RADIL: variants seen among roughly 807,000 people sequenced by gnomAD.
RADIL encodes the protein ras-associating and dilute domain-containing protein.
RADIL carries 99 observed loss-of-function variants against 97.6 expected under a neutral mutation model. The observed-to-expected ratio is 1.01, with a 90% confidence interval of 0.86 to 1.20. The LOEUF is 1.20. Ranked by LOEUF, RADIL falls within the 50% of genes most tolerant of loss-of-function variation. RADIL has a pLI of 0.00. For synonymous variants in RADIL, 803 were observed against 691.8 expected, an observed-to-expected ratio of 1.16 and a Z score of -2.52; for missense variants, 1,765 against 1,498.9, an observed-to-expected ratio of 1.18 and a Z score of -2.93.
chr7:4,847,469 G>C (rs1312953775), intron 2 of RADIL, among the ~76,000 whole-genome samples: 1 of 152,104 alleles, frequency 6.6e-6, no homozygotes, highest in East Asian at 1.9e-4. Context: ...ATTTACCTGT[G>C]ACTCATAAGT....
chr7:4,861,079 G>A (rs1380918862), intron 2 of RADIL: 3 of 1,614,192 alleles, frequency 1.9e-6, no homozygotes, highest in Non-Finnish European at 2.5e-6. Flanking sequence ...CACCTCCGAG[G>A]AAACCTAATA....
chr7:4,861,871 C>CACCGCGACCTTCG, intron 2 of RADIL: 3 of 1,215,116 alleles, frequency 2.5e-6, no homozygotes, highest in Non-Finnish European at 3.3e-6. Context: ...CGGCCGCCGC[C>CACCGCGACCTTCG]CGGGTCATGA....
Position 4,813,850 on chromosome 7 carries a change from C to T in RADIL, c.2139+1428G>A, listed in dbSNP as rs1211066607. ...ATCAACTGTTCTTCTGTTTTAGCCC[C>T]ATCTTGACATCGGTGTCCAGAGGTA... On this transcript the variant is annotated intron_variant, in intron 9 of 14. Transcript: ENST00000399583. The surrounding 1 kb of genome is among the most constrained non-coding windows in gnomAD (Gnocchi z 5.0). 6.6e-6 allele frequency among the ~76,000 whole-genome samples: 1 copy of T among 152,222 alleles called. No homozygotes were observed. Among genetic ancestry groups the T allele is most frequent in the African/African-American group, 2.4e-5 (1 of 41,454 alleles).
intron 9 of RADIL, among the ~76,000 whole-genome samples, chr7:4,810,089 G>C (rs1447637668): frequency 1.3e-5 from 2 of 152,148 alleles, no homozygotes; most frequent in Non-Finnish European, 2.9e-5. Context: ...CTGACCTCAG[G>C]TGATCCACCC....
chr7:4,800,840 C>T (rs1271084190), intron 12 of RADIL, among the ~76,000 whole-genome samples: 1 of 152,182 alleles, frequency 6.6e-6, no homozygotes, highest in African/African-American at 2.4e-5. Flanking sequence ...AGCAAGTGGC[C>T]TGCCTGGGAC....
At chr7:4,875,725 C>T (rs949844474) in intron 2 of RADIL, among the ~76,000 whole-genome samples, 61 of 152,308 alleles carry the variant, frequency 4.0e-4, no homozygotes, top group African/African-American at 1.4e-3. Flanking sequence ...TGTTCCCGTG[C>T]AGAAAACATC....
rs1784149067 is a variant in RADIL, at chr7:4,867,163, A to T, written c.535+10442T>A. Among the ~76,000 whole-genome samples the T allele has an allele frequency of 6.6e-6, 1 of 152,160 alleles. No homozygotes were observed. The highest frequency in any genetic ancestry group is 1.5e-5 in the Non-Finnish European group (1 of 68,024). ...AGGTATTCTGCTGTGGCAACAAGAA[A>T]TGGACTAAAGCAGAGCCTAAAGGTG... On this transcript the variant is annotated intron_variant, in intron 2 of 14. Coordinates refer to ENST00000399583, the MANE Select transcript of RADIL (RefSeq NM_018059.5). The surrounding 1 kb of genome is among the most constrained non-coding windows in gnomAD (Gnocchi z 4.1).
At chr7:4,841,323 A>G (rs13243520) in intron 2 of RADIL, among the ~76,000 whole-genome samples, 78,033 of 152,082 alleles carry the variant, frequency 0.51, 22,150 homozygotes, top group African/African-American at 0.77. Flanking sequence ...GGATGCCCAG[A>G]AATCTGTATT....
In RADIL at chr7:4,883,556, C is replaced by T. The variant is rs139048037; in HGVS notation, c.-65+40G>A. 1 of 152,372 alleles carries T rather than the reference C, an allele frequency of 6.6e-6. No homozygotes were observed. The highest frequency in any genetic ancestry group is 2.4e-5 in the African/African-American group (1 of 41,426). 9.4% of individuals were successfully genotyped at this position (152,372 alleles called of 1,614,324 possible). On this transcript the variant is annotated intron_variant, in intron 1 of 14. Transcript: ENST00000399583. The surrounding 1 kb of genome is among the most constrained non-coding windows in gnomAD (Gnocchi z 7.1). ...CCGAGCAGCGCCCCTTACGAGCCAC[C>T]CCCGGTTCCGCAGTCACTCCTCGCG...
At chr7:4,851,231 A>C (rs1368687154) in intron 2 of RADIL, among the ~76,000 whole-genome samples, 1 of 151,976 alleles carries the variant, frequency 6.6e-6, no homozygotes, top group East Asian at 1.9e-4. Context: ...AAGAAAAGAA[A>C]AGTTCGGATT....
At chr7:4,871,283 C>T (rs1784247648) in intron 2 of RADIL, among the ~76,000 whole-genome samples, 1 of 152,224 alleles carries the variant, frequency 6.6e-6, no homozygotes, top group Non-Finnish European at 1.5e-5. Flanking sequence ...ATTTTCAAGT[C>T]AGAGTCATAG....
intron 10 of RADIL, chr7:4,804,105 G>A: frequency 2.8e-6 from 1 of 352,292 alleles, no homozygotes; most frequent in South Asian, 2.5e-5. Context: ...CCCCAGCCCG[G>A]CAGAGCTGGA....
At position 4,798,753 on chromosome 7, in the gene RADIL, A is replaced by T. The variant is rs1446307468; in HGVS notation, c.*625T>A. The stretch of plus-strand genomic sequence containing the variant: ...GAGCAGGAGTCCTGGGAGAGGAAGC[A>T]GGGCCCAGGGTGGGCTCGGCGCCTC... On this transcript the variant is annotated 3_prime_UTR_variant, in exon 15 of 15. Coordinates refer to ENST00000399583, the MANE Select transcript of RADIL (RefSeq NM_018059.5). 1.3e-5 allele frequency: 2 copies of T among 153,058 alleles called. No individual in the cohort carries two copies. The highest frequency in any genetic ancestry group is 4.8e-5 in the African/African-American group (2 of 41,466). 9.5% of individuals were successfully genotyped at this position (153,058 alleles called of 1,614,324 possible).
chr7:4,854,267 T>C lies in RADIL; in HGVS notation c.536-17662A>G, dbSNP rs1256144042. ...AACTTACTGTTAGGTGAAAGAAAGC[T>C]GTATTGTGCCCAAGCTACTCTGACC... On this transcript the variant is annotated intron_variant, in intron 2 of 14. Coordinates refer to ENST00000399583, the MANE Select transcript of RADIL (RefSeq NM_018059.5). This position sits in a 1 kb window ranked among gnomAD's most constrained non-coding sequence, Gnocchi z 5.1. Among the ~76,000 whole-genome samples, 1 of 152,192 alleles carries C rather than the reference T, an allele frequency of 6.6e-6. No individual in the cohort carries two copies. The highest frequency in any genetic ancestry group is 1.5e-5 in the Non-Finnish European group (1 of 68,034).
chr7:4,838,830 A>G (rs1337723419), intron 2 of RADIL, among the ~76,000 whole-genome samples: 1 of 152,234 alleles, frequency 6.6e-6, no homozygotes, highest in Non-Finnish European at 1.5e-5. Flanking sequence ...GCCACTGCCA[A>G]TACTGGCACA....
rs956445068 is a variant in RADIL, at chr7:4,862,122, G to A, written c.535+15483C>T. On this transcript the variant is annotated intron_variant, in intron 2 of 14. Transcript: ENST00000399583. ...TGGGCTGGGGCTCCTACCGCTGCGC[G>A]GGGGGCTATACATGGGGGTGGGCAG... 1.9e-5 allele frequency: 6 copies of A among 316,332 alleles called. No homozygotes were observed. The East Asian group carries it at 1.9e-4, about 10-fold the overall frequency. 19.6% of individuals were successfully genotyped at this position (316,332 alleles called of 1,614,324 possible). A position where few individuals can be genotyped will look rare whatever the true frequency, so the allele number is the denominator to read the frequency against.
At chr7:4,812,434 T>G (rs1782572566) in intron 9 of RADIL, among the ~76,000 whole-genome samples, 1 of 152,090 alleles carries the variant, frequency 6.6e-6, no homozygotes, top group South Asian at 2.1e-4. Flanking sequence ...TTTATTATTA[T>G]TATTTTTGAG....
chr7:4,857,984 A>C (rs1193924960), intron 2 of RADIL: 2 of 152,664 alleles, frequency 1.3e-5, no homozygotes, highest in Non-Finnish European at 2.9e-5. Context: ...TTTTTTCCCA[A>C]TGTGTAAACA....
rs767260197 is a variant in RADIL at position 4,816,471 on chromosome 7, G to A, written c.1729-6C>T. The A allele has an allele frequency of 2.9e-5, 46 of 1,596,112 alleles. No individual in the cohort carries two copies. The highest frequency in any genetic ancestry group is 1.8e-4 in the South Asian group (16 of 90,046). ...GGGAGGCAGATGTACAGGGACTGGC[G>A]GGGGCAAGAGGAGAACAGCAACCAG... On this transcript the variant is annotated splice_region_variant and splice_polypyrimidine_tract_variant and intron_variant, in intron 7 of 14. Transcript: ENST00000399583.
Sources: gnomAD v4.1 joint callset for allele counts (sites outside exome capture counted in the v4.1 genomes callset) on GRCh38, gnomAD v4.1.1 for gene constraint, Gnocchi (gnomAD v3.1) non-coding constraint, MANE v1.5 for transcripts, NCBI Gene and HGNC (gene_info 2026-07-23, HGNC 2026-07-21) for gene names.